Variants in GALNT9 observed in about 807,000 individuals in gnomAD.
GALNT9 encodes the protein polypeptide N-acetylgalactosaminyltransferase 9.
Under a neutral mutation model 63.1 loss-of-function variants are expected in GALNT9, and 47 were observed. That is an observed-to-expected ratio of 0.75 (90% CI 0.59 to 0.95). The LOEUF (loss-of-function observed/expected upper bound fraction) is 0.95. Among genes scored for constraint, GALNT9 ranks in the 40% least tolerant of loss-of-function variants. The probability of loss-of-function intolerance (pLI) is 0.00; values close to 1 mark genes in which losing one functional copy is unlikely to be tolerated. For missense variants in GALNT9, 829 were observed against 874.8 expected (o/e 0.95, Z 0.66); for synonymous variants, 396 against 365.7 (o/e 1.08, Z -0.94).
chr12:132,245,397 G>A lies in GALNT9; in HGVS notation c.1077+2513C>T, dbSNP rs1250880513. Among the ~76,000 whole-genome samples, 2 of 152,124 alleles carry A rather than the reference G, an allele frequency of 1.3e-5. No homozygotes were observed. The highest frequency in any genetic ancestry group is 4.8e-5 in the African/African-American group (2 of 41,408). ...GTGGAGGTTGCAGTGAGCAGAGATC[G>A]TGCCACTGCACTCCAGCCTGGGCAA... On this transcript the variant is annotated intron_variant, in intron 6 of 10. Transcript: ENST00000328957. The surrounding 1 kb of genome is among the most constrained non-coding windows in gnomAD (Gnocchi z 6.3).
chr12:132,249,153 C>A (rs1041558114), intron 5 of GALNT9, among the ~76,000 whole-genome samples: 2 of 152,228 alleles, frequency 1.3e-5, no homozygotes, highest in African/African-American at 4.8e-5. Context: ...CTCATCTTTG[C>A]TGAAAGATTT....
At position 132,203,603 on chromosome 12, in the gene GALNT9, T is replaced by G; in HGVS notation, c.1165A>C (p.Ile389Leu). 6.2e-7 allele frequency: 1 copy of G among 1,613,908 alleles called. No individual in the cohort carries two copies. The highest frequency in any genetic ancestry group is 8.5e-7 in the Non-Finnish European group (1 of 1,179,820). Residue 389 changes from isoleucine (I) to leucine (L), a missense_variant, in exon 7 of 11, where the codon ATT (isoleucine) becomes CTT (leucine). Ile to Leu is a conservative substitution (Grantham distance 5). Coordinates refer to ENST00000328957, the MANE Select transcript of GALNT9 (RefSeq NM_001122636.2). ...GCGTTGCGCTTGGCATAGTAGTCAA[T>G]GTCGTTGTTGTAGGGCTTCCTGGTG... is the stretch of plus-strand genomic sequence containing the variant. ...ERTRKPYNND[I>L]DYYAKRNALR...
chr12:132,204,618 C>T (rs960620171), intron 6 of GALNT9, among the ~76,000 whole-genome samples: 1 of 152,182 alleles, frequency 6.6e-6, no homozygotes, highest in Non-Finnish European at 1.5e-5. Flanking sequence ...GTACCCTCAG[C>T]CCCCGTAACC....
In GALNT9 at chr12:132,286,226, G is replaced by C. The variant is rs1555242156; in HGVS notation, c.419+24C>G. 1 of 1,537,222 alleles carries C rather than the reference G, an allele frequency of 6.5e-7. No homozygotes were observed. The highest frequency in any genetic ancestry group is 1.4e-5 in the African/African-American group (1 of 72,540). Reference sequence around the variant, plus strand: ...GTCACTTCCTCGGCGGGCGTCGGGGGATGGGGGGCAGTCACTCACTCACTT... The same window carrying C: ...GTCACTTCCTCGGCGGGCGTCGGGGCATGGGGGGCAGTCACTCACTCACTT... On this transcript the variant is annotated intron_variant, in intron 2 of 10. Transcript: ENST00000328957. This position sits in a 1 kb window ranked among gnomAD's most constrained non-coding sequence, Gnocchi z 7.4.
Position 132,203,534 on chromosome 12 carries a change from C to T in GALNT9, c.1234G>A (p.Val412Met), listed in dbSNP as rs774144284. 11 of 1,613,936 alleles carry T rather than the reference C, an allele frequency of 6.8e-6. No individual in the cohort carries two copies. Among genetic ancestry groups the T allele is most frequent in the Non-Finnish European group, 8.5e-6 (10 of 1,179,830 alleles). ...EVWMDDFKSH[V>M]YMAWNIPMSN... ...ATGGGGATGTTCCAGGCCATGTACA[C>T]GTGGGACTTGAAGTCATCCATCCAC... The change falls in exon 7 of 11, where the codon GTG becomes ATG. Residue 412 changes from valine to methionine, a missense_variant. Val to Met is a conservative substitution (Grantham distance 21). Coordinates refer to ENST00000328957, the MANE Select transcript of GALNT9 (RefSeq NM_001122636.2).
intron 5 of GALNT9, among the ~76,000 whole-genome samples, chr12:132,249,752 G>A (rs190567635): frequency 1.3e-5 from 2 of 152,236 alleles, no homozygotes; most frequent in Non-Finnish European, 2.9e-5. Flanking sequence ...GGCAAGGGAG[G>A]CAGCACCAGC....
intron 1 of GALNT9, among the ~76,000 whole-genome samples, chr12:132,321,248 C>T (rs1423480044): frequency 9.3e-5 from 14 of 151,226 alleles, no homozygotes; most frequent in Non-Finnish European, 2.1e-4. Context: ...CCTGTCGGTC[C>T]GGAGTCGAGG....
At chr12:132,206,942 G>T (rs1030917501) in intron 6 of GALNT9, among the ~76,000 whole-genome samples, 3 of 152,204 alleles carry the variant, frequency 2.0e-5, no homozygotes, top group Non-Finnish European at 4.4e-5. Context: ...GTGCATGCCT[G>T]CGGTCCCAGC....
At chr12:132,284,312 GCA>G (rs140296968) in intron 2 of GALNT9, 18 of 150,502 alleles carry the variant, frequency 1.2e-4, no homozygotes, top group South Asian at 4.2e-4. Flanking sequence ...GCGCGCGCAC[GCA>G]CACACACACA....
chr12:132,308,726 C>T (rs148044857), intron 1 of GALNT9, among the ~76,000 whole-genome samples: 45 of 152,336 alleles, frequency 3.0e-4, no homozygotes, highest in African/African-American at 9.9e-4. Context: ...ACCATGCTGT[C>T]CCCATTGCAT....
chr12:132,298,830 C>T (rs1403794777), intron 1 of GALNT9, among the ~76,000 whole-genome samples: 2 of 147,404 alleles, frequency 1.4e-5, no homozygotes, highest in Non-Finnish European at 3.0e-5. Context: ...ACACCCATAA[C>T]TAACCCACTC....
In GALNT9 at chr12:132,245,983, C is replaced by T. The variant is rs906317772; in HGVS notation, c.1077+1927G>A. ...CGCACTGCCGGTCCCCGGCACCCTC[C>T]CCAGGCTGTCCTCCTCGTCTCTGCG... On this transcript the variant is annotated intron_variant, in intron 6 of 10. Coordinates refer to ENST00000328957, the MANE Select transcript of GALNT9 (RefSeq NM_001122636.2). The surrounding 1 kb of genome is among the most constrained non-coding windows in gnomAD (Gnocchi z 6.3). 1.1e-4 allele frequency among the ~76,000 whole-genome samples: 16 copies of T among 152,254 alleles called. No homozygotes were observed. In the East Asian group the frequency reaches 3.1e-3, roughly 29 times the overall value.
chr12:132,250,797 A>G (rs1248849551), intron 5 of GALNT9, among the ~76,000 whole-genome samples: 2 of 151,958 alleles, frequency 1.3e-5, no homozygotes, highest in Non-Finnish European at 2.9e-5. Flanking sequence ...CTCAAACGAC[A>G]ACAACAACAA....
chr12:132,246,440 A>G lies in GALNT9; in HGVS notation c.1077+1470T>C, dbSNP rs536921386. On this transcript the variant is annotated intron_variant, in intron 6 of 10. Transcript: ENST00000328957. This position sits in a 1 kb window ranked among gnomAD's most constrained non-coding sequence, Gnocchi z 4.7. ...TTCAAAGTGATTAAAAGAAAATAAA[A>G]CACTATGTTTGTAAGTGCCATTTTT... Among the ~76,000 whole-genome samples, 6 of 152,302 alleles carry G rather than the reference A, an allele frequency of 3.9e-5. No homozygotes were observed. The highest frequency in any genetic ancestry group is 7.4e-5 in the Non-Finnish European group (5 of 68,026).
intron 6 of GALNT9, 159 bp downstream of exon 6, chr12:132,247,751 C>T (rs554172834): frequency 3.7e-5 from 45 of 1,219,944 alleles, no homozygotes; most frequent in Admixed American, 6.3e-5. Context: ...CCCCAGATGC[C>T]GTGGCCGCAC....
At chr12:132,199,291 GA>G in intron 8 of GALNT9, 22 bp from the exon 9 acceptor site, 1 of 1,557,348 alleles carries the variant, frequency 6.4e-7, no homozygotes, top group Middle Eastern at 1.7e-4. Context: ...AGCCCCAGGA[GA>G]AAGTCCAGAG....
At position 132,231,149 on chromosome 12, in the gene GALNT9, G is replaced by C. The variant is rs1267702157; in HGVS notation, c.1077+16761C>G. Reference sequence around the variant, plus strand: ...TCCATGGGGCGACAGAGGAGACAGCGTGGAGCCCCTAGTGCCACACACTCG... The same window carrying C: ...TCCATGGGGCGACAGAGGAGACAGCCTGGAGCCCCTAGTGCCACACACTCG... On this transcript the variant is annotated intron_variant, in intron 6 of 10. Transcript: ENST00000328957. Among the ~76,000 whole-genome samples, 98 of 81,342 alleles carry C rather than the reference G, an allele frequency of 1.2e-3. 8 individuals are homozygous for C. The highest frequency in any genetic ancestry group is 1.8e-3 in the Non-Finnish European group (77 of 43,626). The allele number at this position is 81,342 out of a possible 152,430, so 53.4% of individuals were successfully genotyped here.
At chr12:132,247,681 T>C (rs578013444) in intron 6 of GALNT9, 273 of 447,718 alleles carry the variant, frequency 6.1e-4, no homozygotes, top group Middle Eastern at 6.0e-3. Flanking sequence ...CCGGATGCCG[T>C]GGCCGCACTC....
chr12:132,227,231 G>A (rs1877728018), intron 6 of GALNT9, among the ~76,000 whole-genome samples: 2 of 152,162 alleles, frequency 1.3e-5, no homozygotes, highest in South Asian at 4.1e-4. Context: ...AGATGGAACG[G>A]AGGCACCGAA....
Sources: gnomAD v4.1 joint callset for allele counts (sites outside exome capture counted in the v4.1 genomes callset) on GRCh38, gnomAD v4.1.1 for gene constraint, Gnocchi (gnomAD v3.1) non-coding constraint, MANE v1.5 for transcripts, NCBI Gene and HGNC (gene_info 2026-07-23, HGNC 2026-07-21) for gene names.